TGFBR3: variants seen among roughly 807,000 people sequenced by gnomAD.
TGFBR3 encodes the protein transforming growth factor beta receptor type 3.
TGFBR3 carries 46 observed loss-of-function variants against 87.9 expected under a neutral mutation model. The ratio of observed to expected loss-of-function variants is 0.52; its 90% CI spans 0.41 to 0.67. The LOEUF is 0.67. Ranked by LOEUF, TGFBR3 falls within the 30% of genes least tolerant of loss-of-function variation. The pLI is 0.00. For synonymous variants in TGFBR3, 381 were observed against 391.6 expected, an observed-to-expected ratio of 0.97 and a Z score of 0.32; for missense variants, 866 against 1,041.9, an observed-to-expected ratio of 0.83 and a Z score of 2.32.
At chr1:91,737,475 A>C (rs962295524) in intron 4 of TGFBR3, among the ~76,000 whole-genome samples, 27 of 152,312 alleles carry the variant, frequency 1.8e-4, no homozygotes, top group East Asian at 9.6e-4. Flanking sequence ...CCAGAGAGTC[A>C]TGCACCAGGC....
intron 1 of TGFBR3, among the ~76,000 whole-genome samples, chr1:91,870,911 C>G (rs1557754680): frequency 6.6e-6 from 1 of 151,994 alleles, no homozygotes; most frequent in East Asian, 1.9e-4. Context: ...TGGCGCATGC[C>G]AATAGTCCTA....
intron 2 of TGFBR3, among the ~76,000 whole-genome samples, chr1:91,806,318 C>G (rs1467649166): frequency 6.6e-6 from 1 of 152,176 alleles, no homozygotes; most frequent in African/African-American, 2.4e-5. Context: ...TTACAGAACC[C>G]CCACATCCCT....
rs11466607 is a variant in TGFBR3, at chr1:91,698,220, T to C, written c.2288-90A>G. ...AAAGTCTCAGCAGAAACTGACACTT[T>C]TCCATTTGGTAATAAATACTGTGAG... On this transcript the variant is annotated intron_variant, in intron 14 of 16. Coordinates refer to ENST00000212355, the MANE Select transcript of TGFBR3 (RefSeq NM_003243.5). The C allele has an allele frequency of 2.6e-3, 2,875 of 1,092,350 alleles. 46 individuals are homozygous for C. In the African/African-American group the frequency reaches 0.038, roughly 14 times the overall value. The allele number at this position is 1,092,350 out of a possible 1,614,324, so 67.7% of individuals were successfully genotyped here.
chr1:91,810,287 G>A (rs1675984601), intron 2 of TGFBR3, among the ~76,000 whole-genome samples: 1 of 152,124 alleles, frequency 6.6e-6, no homozygotes, highest in Non-Finnish European at 1.5e-5. Flanking sequence ...TCAAACTCAT[G>A]AGCTCAAGCA....
intron 2 of TGFBR3, among the ~76,000 whole-genome samples, chr1:91,817,570 C>T (rs1206844104): frequency 6.6e-6 from 1 of 152,254 alleles, no homozygotes; most frequent in Non-Finnish European, 1.5e-5. Flanking sequence ...AGGATGCAAA[C>T]GTCTGAATTT....
At chr1:91,690,656 T>C (rs769753757) in intron 16 of TGFBR3, among the ~76,000 whole-genome samples, 2 of 152,178 alleles carry the variant, frequency 1.3e-5, no homozygotes, top group Non-Finnish European at 2.9e-5. Flanking sequence ...CTTTCCGGTG[T>C]CTATTTGCCA....
chr1:91,861,902 C>G (rs980845314), intron 1 of TGFBR3: 19 of 299,188 alleles, frequency 6.4e-5, no homozygotes, highest in African/African-American at 4.4e-4. Context: ...TGTCGCCAAG[C>G]TGGAGCACAG....
intron 1 of TGFBR3, among the ~76,000 whole-genome samples, chr1:91,871,712 G>T (rs983401127): frequency 6.6e-5 from 10 of 152,140 alleles, no homozygotes; most frequent in African/African-American, 2.4e-4. Flanking sequence ...GAGTGCAAAG[G>T]TCCTGAGGTA....
chr1:91,787,953 A>AGG (rs1226938369), intron 3 of TGFBR3, among the ~76,000 whole-genome samples: 4 of 151,826 alleles, frequency 2.6e-5, no homozygotes, highest in African/African-American at 9.7e-5. Flanking sequence ...GAAAAAAAAA[A>AGG]AAACCCCAAG....
chr1:91,686,517 C>T (rs1298778187), intron 16 of TGFBR3, among the ~76,000 whole-genome samples: 1 of 152,190 alleles, frequency 6.6e-6, no homozygotes, highest in African/African-American at 2.4e-5. Flanking sequence ...TCAGACCATC[C>T]TTTCCAGTTC....
chr1:91,820,438 C>T (rs1248862594), intron 2 of TGFBR3, among the ~76,000 whole-genome samples: 1 of 152,144 alleles, frequency 6.6e-6, no homozygotes, highest in African/African-American at 2.4e-5. Flanking sequence ...AATCCCAGCA[C>T]TTTGGGAGGC....
chr1:91,769,339 C>T (rs140571962), intron 3 of TGFBR3, among the ~76,000 whole-genome samples: 69 of 152,284 alleles, frequency 4.5e-4, no homozygotes, highest in Middle Eastern at 6.8e-3. Flanking sequence ...CAAGTCAAAA[C>T]GGGTTTCCTC....
chr1:91,686,371 G>A lies in TGFBR3; in HGVS notation c.2438-2514C>T, dbSNP rs572669289. ...CCCCAAACAAAACAAAGAAGCCTCC[G>A]CACTCAAGACTGCAGGATGCATCTC... On this transcript the variant is annotated intron_variant, in intron 16 of 16. Transcript: ENST00000212355. Among the ~76,000 whole-genome samples, 17 of 152,190 alleles carry A rather than the reference G, an allele frequency of 1.1e-4. No individual in the cohort carries two copies. In the East Asian group the frequency reaches 2.3e-3, roughly 21 times the overall value.
At chr1:91,776,612 G>A (rs1355342406) in intron 3 of TGFBR3, among the ~76,000 whole-genome samples, 3 of 152,134 alleles carry the variant, frequency 2.0e-5, no homozygotes, top group Non-Finnish European at 4.4e-5. Flanking sequence ...GTAATTCTCT[G>A]GAAAGAAGCC....
chr1:91,717,700 A>C (rs1442306455), intron 10 of TGFBR3, among the ~76,000 whole-genome samples: 6 of 142,684 alleles, frequency 4.2e-5, no homozygotes, highest in South Asian at 2.4e-4. Context: ...AAAAAAAAAA[A>C]ACAAACTGCC....
At chr1:91,690,857 TAAA>T (rs1671238931) in intron 16 of TGFBR3, among the ~76,000 whole-genome samples, 1 of 152,194 alleles carries the variant, frequency 6.6e-6, no homozygotes, top group South Asian at 2.1e-4. Context: ...CAGATCATCT[TAAA>T]GAAGTTCACA....
chr1:91,811,351 C>T (rs1676022464), intron 2 of TGFBR3, among the ~76,000 whole-genome samples: 1 of 152,054 alleles, frequency 6.6e-6, no homozygotes, highest in South Asian at 2.1e-4. Flanking sequence ...GAAACATCAG[C>T]TCTTGCAAGA....
intron 4 of TGFBR3, 139 bp downstream of exon 4, chr1:91,758,474 G>A (rs1402349687): frequency 9.8e-7 from 1 of 1,025,050 alleles, no homozygotes; most frequent in Non-Finnish European, 1.5e-6. Context: ...ATATCACTAA[G>A]TGCATCCTCC....
chr1:91,898,613 T>TA, intron 2 of TGFBR3, among the ~76,000 whole-genome samples: 1 of 152,222 alleles, frequency 6.6e-6, no homozygotes, highest in East Asian at 1.9e-4. Context: ...ATTTTTTTTT[T>TA]ATTTTTAGTA....
Sources: allele counts gnomAD v4.1 joint callset (sites outside exome capture counted in the v4.1 genomes callset), GRCh38; gene constraint gnomAD v4.1.1; transcripts MANE v1.5; gene names NCBI Gene and HGNC (gene_info 2026-07-23, HGNC 2026-07-21).